UNC13C: variants seen among roughly 807,000 people sequenced by gnomAD.
The protein encoded by UNC13C is unc-13 homolog C, also known as protein unc-13 homolog C.
In UNC13C, 174 loss-of-function variants were observed where a neutral mutation model predicts 245.4. The ratio of observed to expected loss-of-function variants is 0.71; its 90% CI spans 0.63 to 0.80. The LOEUF (loss-of-function observed/expected upper bound fraction) is 0.80, where lower values mean the gene tolerates loss of function less well. UNC13C is among the 30% of genes least tolerant of loss of function. The pLI, the probability that UNC13C is intolerant of heterozygous loss-of-function variation, is 0.00. For synonymous variants in UNC13C, 992 were observed against 895.1 expected, an observed-to-expected ratio of 1.11 and a Z score of -1.93; for missense variants, 2,829 against 2,602.9, an observed-to-expected ratio of 1.09 and a Z score of -1.89.
intron 30 of UNC13C, among the ~76,000 whole-genome samples, chr15:54,597,024 G>T (rs1454017461): frequency 6.6e-6 from 1 of 152,162 alleles, no homozygotes; most frequent in Non-Finnish European, 1.5e-5. Flanking sequence ...AGGAAGAGCT[G>T]TTCCCAATCT....
chr15:54,321,730 C>A (rs748752274), intron 13 of UNC13C, among the ~76,000 whole-genome samples: 5 of 151,924 alleles, frequency 3.3e-5, no homozygotes, highest in Admixed American at 6.6e-5. Flanking sequence ...GCAAAAAGGG[C>A]AAATTACACT....
intron 2 of UNC13C, among the ~76,000 whole-genome samples, chr15:54,034,615 C>G (rs914783727): frequency 4.6e-5 from 7 of 152,178 alleles, no homozygotes; most frequent in South Asian, 4.1e-4. Context: ...ATGTGAAATT[C>G]TTAGTGTATT....
chr15:54,447,097 T>A (rs991038297), intron 19 of UNC13C, among the ~76,000 whole-genome samples: 5 of 152,202 alleles, frequency 3.3e-5, no homozygotes, highest in African/African-American at 1.2e-4. Context: ...TTACGTTTAT[T>A]GATTTGCATG....
At chr15:54,222,977 G>A (rs1439840036) in intron 4 of UNC13C, among the ~76,000 whole-genome samples, 2 of 151,862 alleles carry the variant, frequency 1.3e-5, no homozygotes, top group African/African-American at 4.8e-5. Context: ...GGCTCCCTAT[G>A]TGTATTCTGG....
At chr15:53,917,747 T>C in the UNC13C span, among the ~76,000 whole-genome samples, 1 of 152,226 alleles carries the variant, frequency 6.6e-6, no homozygotes, top group South Asian at 2.1e-4. Flanking sequence ...GCAAGGAATG[T>C]TCAAAGTAAA....
At chr15:54,360,606 C>G (rs1339915891) in intron 17 of UNC13C, among the ~76,000 whole-genome samples, 1 of 152,048 alleles carries the variant, frequency 6.6e-6, no homozygotes, top group Non-Finnish European at 1.5e-5. Context: ...ATAAGCAAAG[C>G]TACTTTCAGA....
intron 7 of UNC13C, among the ~76,000 whole-genome samples, chr15:54,242,619 A>AT (rs1314527900): frequency 1.3e-5 from 2 of 151,536 alleles, no homozygotes; most frequent in African/African-American, 4.9e-5. Context: ...TCATTTTTAG[A>AT]TTTTTTTATT....
chr15:54,373,592 G>A (rs1011070998), intron 17 of UNC13C, among the ~76,000 whole-genome samples: 1 of 152,146 alleles, frequency 6.6e-6, no homozygotes, highest in African/African-American at 2.4e-5. Context: ...CTGGCACCAG[G>A]GAACATGGTG....
chr15:54,197,574 T>C (rs1245570744), intron 4 of UNC13C, among the ~76,000 whole-genome samples: 1 of 152,128 alleles, frequency 6.6e-6, no homozygotes, highest in African/African-American at 2.4e-5. Context: ...TAAGGAGGCT[T>C]TGAGAATAAT....
chr15:54,489,451 G>A (rs1893591445), intron 19 of UNC13C, among the ~76,000 whole-genome samples: 2 of 152,300 alleles, frequency 1.3e-5, no homozygotes, highest in South Asian at 4.1e-4. Flanking sequence ...CACTGATACA[G>A]TTCCAACAGG....
chr15:54,570,253 C>G (rs1344367041), intron 30 of UNC13C, among the ~76,000 whole-genome samples: 1 of 152,190 alleles, frequency 6.6e-6, no homozygotes, highest in Non-Finnish European at 1.5e-5. Context: ...ATTCTTGCTA[C>G]TTGAAAATCC....
chr15:53,930,196 C>G, the UNC13C span, among the ~76,000 whole-genome samples: 1 of 152,188 alleles, frequency 6.6e-6, no homozygotes, highest in South Asian at 2.1e-4. Flanking sequence ...TCCACAGTTT[C>G]TTCACATGGC....
intron 2 of UNC13C, among the ~76,000 whole-genome samples, chr15:54,089,628 G>T (rs1450395886): frequency 6.7e-6 from 1 of 150,348 alleles, no homozygotes; most frequent in South Asian, 2.1e-4. Context: ...AATTAATCCA[G>T]TGAAAGCACT....
At chr15:53,928,370 T>C in the UNC13C span, among the ~76,000 whole-genome samples, 2 of 152,202 alleles carry the variant, frequency 1.3e-5, no homozygotes, top group Non-Finnish European at 2.9e-5. Context: ...TCTCATGTTA[T>C]TGTTTGTGGC....
chr15:54,068,081 T>C (rs1595801602), intron 2 of UNC13C, among the ~76,000 whole-genome samples: 2 of 152,170 alleles, frequency 1.3e-5, no homozygotes, highest in African/African-American at 4.8e-5. Context: ...ATTACCTACA[T>C]TGGTGACTGA....
At chr15:54,183,609 A>C (rs28557473) in intron 4 of UNC13C, among the ~76,000 whole-genome samples, 2 of 151,928 alleles carry the variant, frequency 1.3e-5, no homozygotes, top group African/African-American at 4.8e-5. Flanking sequence ...ATTTACTCAC[A>C]TAGGGCATTT....
intron 2 of UNC13C, among the ~76,000 whole-genome samples, chr15:54,140,724 A>G (rs530221052): frequency 6.6e-6 from 1 of 152,364 alleles, no homozygotes; most frequent in East Asian, 1.9e-4. Context: ...TGTAATTGTG[A>G]CTGAAGTTTA....
chr15:54,368,459 A>G (rs2039416082), intron 17 of UNC13C, among the ~76,000 whole-genome samples: 1 of 151,846 alleles, frequency 6.6e-6, no homozygotes, highest in Admixed American at 6.6e-5. Flanking sequence ...TAGAAATGCC[A>G]AGTGTTAGCT....
intron 30 of UNC13C, among the ~76,000 whole-genome samples, chr15:54,568,717 A>G (rs1318382638): frequency 6.6e-6 from 1 of 152,184 alleles, no homozygotes; most frequent in Non-Finnish European, 1.5e-5. Context: ...TAATAAAAGT[A>G]AGTAAGAAGA....
Sources: gnomAD v4.1 joint callset for allele counts (sites outside exome capture counted in the v4.1 genomes callset) on GRCh38, gnomAD v4.1.1 for gene constraint, MANE v1.5 for transcripts, NCBI Gene and HGNC (gene_info 2026-07-23, HGNC 2026-07-21) for gene names.